The following AGPS variants were observed in gnomAD, a reference collection of about 807,000 sequenced individuals.
The protein encoded by AGPS is alkylglycerone phosphate synthase.
A neutral mutation model predicts 90.7 loss-of-function variants in AGPS; 26 were observed. That is an observed-to-expected ratio of 0.29 (90% confidence interval 0.21 to 0.40). The LOEUF is 0.40. Among genes scored for constraint, AGPS ranks in the 10% least tolerant of loss-of-function variants. AGPS has a pLI of 1.00. For synonymous variants in AGPS, 294 were observed against 285.3 expected (o/e 1.03, Z -0.31); for missense variants, 540 against 816.1 (o/e 0.66, Z 4.12).
At chr2:177,457,705 A>G (rs1687161326) in intron 8 of AGPS, among the ~76,000 whole-genome samples, 1 of 152,180 alleles carries the variant, frequency 6.6e-6, no homozygotes, top group Non-Finnish European at 1.5e-5. Flanking sequence ...CCTACCAACC[A>G]AAAAAAGTAC....
At chr2:177,411,741 C>T (rs1025428919) in intron 1 of AGPS, among the ~76,000 whole-genome samples, 1 of 151,954 alleles carries the variant, frequency 6.6e-6, no homozygotes, top group African/African-American at 2.4e-5. Flanking sequence ...TTTAATTTGT[C>T]TCTCTCTCTC....
In AGPS at chr2:177,482,096, C is replaced by A; in HGVS notation, c.1143C>A (p.Ile381=). 1 of 1,604,852 alleles carries A rather than the reference C, an allele frequency of 6.2e-7. No homozygotes were observed. Among genetic ancestry groups the A allele is most frequent in the South Asian group, 1.1e-5 (1 of 90,754 alleles). Residue 381 remains isoleucine, a synonymous_variant, in exon 11 of 20, where the codon ATC becomes ATA. Transcript: ENST00000264167. The part of the protein sequence containing the change: ...LGVITEATIK[I]RPVPEYQKYG... ...TAATAACAGAAGCTACAATAAAAAT[C>A]AGACCAGTCCCTGAATACCAAAAGT...
At chr2:177,484,299 C>T (rs1314602941) in intron 11 of AGPS, among the ~76,000 whole-genome samples, 1 of 151,954 alleles carries the variant, frequency 6.6e-6, no homozygotes, top group Admixed American at 6.6e-5. Flanking sequence ...TTTATTTTCC[C>T]TCTGTCTTTG....
At chr2:177,429,534 G>A (rs1323385159) in intron 2 of AGPS, among the ~76,000 whole-genome samples, 2 of 152,074 alleles carry the variant, frequency 1.3e-5, no homozygotes, top group African/African-American at 4.8e-5. Context: ...GTTGCTTTCT[G>A]TTTGTTTGTT....
intron 16 of AGPS, among the ~76,000 whole-genome samples, chr2:177,512,732 C>A (rs1204568751): frequency 6.6e-6 from 1 of 152,156 alleles, no homozygotes; most frequent in Admixed American, 6.5e-5. Context: ...ACTTTAATAT[C>A]AAATAGTCCA....
intron 16 of AGPS, among the ~76,000 whole-genome samples, chr2:177,510,454 A>T (rs1688836755): frequency 6.6e-6 from 1 of 152,190 alleles, no homozygotes; most frequent in Admixed American, 6.5e-5. Context: ...TTCAGTCCAA[A>T]TCACCGGGAC....
chr2:177,487,889 A>G (rs937750436), intron 11 of AGPS, among the ~76,000 whole-genome samples: 1 of 152,188 alleles, frequency 6.6e-6, no homozygotes, highest in Non-Finnish European at 1.5e-5. Context: ...GGAGACTGGC[A>G]TTATCTTTTG....
In AGPS at chr2:177,448,187, G is replaced by T. The variant is rs144923661; in HGVS notation, c.870+2561G>T. 4.0e-3 allele frequency among the ~76,000 whole-genome samples: 612 copies of T among 152,056 alleles called. 5 individuals are homozygous for T. The highest frequency in any genetic ancestry group is 0.032 in the East Asian group (167 of 5,174). ...GCAAACCTCAATATAGCTCCTAGCTGTGTGACCTTGGGCAAGTTACTCACC... is the reference window on the plus strand; with the variant it reads ...GCAAACCTCAATATAGCTCCTAGCTTTGTGACCTTGGGCAAGTTACTCACC... On this transcript the variant is annotated intron_variant, in intron 8 of 19. Transcript: ENST00000264167.
intron 19 of AGPS, among the ~76,000 whole-genome samples, chr2:177,525,500 T>G (rs992239153): frequency 6.6e-6 from 1 of 152,208 alleles, no homozygotes; most frequent in Non-Finnish European, 1.5e-5. Context: ...CAGCAGCCAA[T>G]AGTTTACTTT....
intron 1 of AGPS, among the ~76,000 whole-genome samples, chr2:177,416,593 T>G (rs1019622020): frequency 2.0e-5 from 3 of 151,646 alleles, no homozygotes; most frequent in African/African-American, 7.3e-5. Flanking sequence ...TGGTGTGATC[T>G]CGGCTCACTG....
chr2:177,424,499 A>T (rs985409207), intron 2 of AGPS, among the ~76,000 whole-genome samples: 8 of 152,108 alleles, frequency 5.3e-5, no homozygotes, highest in African/African-American at 1.9e-4. Context: ...ATGCCTCTGA[A>T]TAGTAATTAG....
At chr2:177,434,178 GTTTGT>G in intron 2 of AGPS, 144 bp from the exon 3 acceptor site, 1 of 636,758 alleles carries the variant, frequency 1.6e-6, no homozygotes, top group Non-Finnish European at 2.8e-6. Context: ...GCTGGGTTTT[GTTTGT>G]TTTGTTTTCG....
At chr2:177,513,545 G>A (rs904747851) in intron 16 of AGPS, among the ~76,000 whole-genome samples, 3 of 152,124 alleles carry the variant, frequency 2.0e-5, no homozygotes, top group Admixed American at 1.3e-4. Flanking sequence ...GCTTTCCTAA[G>A]TGTAGGAAAC....
chr2:177,450,773 TA>T (rs1278246041), intron 8 of AGPS, among the ~76,000 whole-genome samples: 1 of 151,694 alleles, frequency 6.6e-6, no homozygotes, highest in Non-Finnish European at 1.5e-5. Flanking sequence ...CAGTTTCTGT[TA>T]AAAAAAGAAA....
chr2:177,532,059 A>G (rs1218145274), intron 19 of AGPS, among the ~76,000 whole-genome samples: 1 of 152,184 alleles, frequency 6.6e-6, no homozygotes, highest in Non-Finnish European at 1.5e-5. Context: ...CAGGATCTAG[A>G]GCCAGGCAAA....
intron 2 of AGPS, among the ~76,000 whole-genome samples, chr2:177,432,981 C>T (rs1686288547): frequency 6.6e-6 from 1 of 152,168 alleles, no homozygotes; most frequent in East Asian, 1.9e-4. Flanking sequence ...TCTCCCTTCC[C>T]CCAGGGCATT....
At chr2:177,397,526 T>C (rs183222564) in intron 1 of AGPS, among the ~76,000 whole-genome samples, 16 of 152,004 alleles carry the variant, frequency 1.1e-4, no homozygotes, top group Admixed American at 9.8e-4. Flanking sequence ...AAAAATACCA[T>C]GTTAACTTTC....
At chr2:177,497,833 A>T (rs1408398321) in intron 13 of AGPS, 68 bp downstream of exon 13, 2 of 825,186 alleles carry the variant, frequency 2.4e-6, no homozygotes, top group Non-Finnish European at 3.9e-6. Context: ...TTCTTCCCAC[A>T]TGCACCTATT....
Position 177,498,375 on chromosome 2 carries a change from C to T in AGPS, c.1362+610C>T, listed in dbSNP as rs948990096. Among the ~76,000 whole-genome samples, 91 of 151,046 alleles carry T rather than the reference C, an allele frequency of 6.0e-4. No individual in the cohort carries two copies. The Middle Eastern group carries it at 0.01, about 17-fold the overall frequency. On this transcript the variant is annotated intron_variant, in intron 13 of 19. Transcript: ENST00000264167. ...GCAGCTTCATGTTTTTTTCTTGGTA[C>T]TTTGATGTATCTTTTTTTGAGATTG...
Sources: gnomAD v4.1 joint callset for allele counts (sites outside exome capture counted in the v4.1 genomes callset) on GRCh38, gnomAD v4.1.1 for gene constraint, MANE v1.5 for transcripts, NCBI Gene and HGNC (gene_info 2026-07-23, HGNC 2026-07-21) for gene names.